Variants in NINL observed in about 807,000 individuals in gnomAD.
NINL encodes the protein ninein-like protein.
In NINL, 153 loss-of-function variants were observed where a neutral mutation model predicts 160.3. That is an observed-to-expected ratio of 0.95 (90% CI 0.84 to 1.09). The LOEUF is 1.09. Ranked by LOEUF, NINL falls within the 50% of genes least tolerant of loss-of-function variation. The probability of loss-of-function intolerance (pLI) is 0.00; values close to 1 mark genes in which losing one functional copy is unlikely to be tolerated. For missense variants in NINL, 1,829 were observed against 1,764.0 expected, an observed-to-expected ratio of 1.04 and a Z score of -0.66; for synonymous variants, 800 against 734.8, an observed-to-expected ratio of 1.09 and a Z score of -1.43.
chr20:25,455,113 G>A (rs189374809), intron 23 of NINL, among the ~76,000 whole-genome samples: 3 of 152,226 alleles, frequency 2.0e-5, no homozygotes, highest in African/African-American at 7.2e-5. Flanking sequence ...ACGAGGAGAT[G>A]TGTGCATCTC....
At chr20:25,556,768 C>G (rs2064871951) in intron 1 of NINL, among the ~76,000 whole-genome samples, 1 of 152,130 alleles carries the variant, frequency 6.6e-6, no homozygotes, top group South Asian at 2.1e-4. Context: ...GATCGCACTT[C>G]AGCCTGGGTG....
chr20:25,538,143 C>T (rs138130401), intron 1 of NINL, among the ~76,000 whole-genome samples: 13 of 152,270 alleles, frequency 8.5e-5, no homozygotes, highest in Admixed American at 2.6e-4. Context: ...CATGTGTCAC[C>T]GAGTGAAGGG....
intron 1 of NINL, among the ~76,000 whole-genome samples, chr20:25,560,890 GA>G (rs201038128): frequency 6.6e-6 from 1 of 151,592 alleles, no homozygotes; most frequent in East Asian, 1.9e-4. Flanking sequence ...ATTCTCAGAT[GA>G]AAAAAAACAA....
rs141642223 is a variant in NINL at position 25,523,416 on chromosome 20, T to A, written c.180+2992A>T. Among the ~76,000 whole-genome samples, 609 of 151,932 alleles carry A rather than the reference T, an allele frequency of 4.0e-3. 4 individuals carry two copies. Among genetic ancestry groups the A allele is most frequent in the African/African-American group, 0.014 (575 of 41,472 alleles). Reference sequence around the variant, plus strand: ...ACAGGTGCATGCCACCACATCCAGCTACCTTTAAGATTCTTCTGTAGAGAC... The same window carrying A: ...ACAGGTGCATGCCACCACATCCAGCAACCTTTAAGATTCTTCTGTAGAGAC... On this transcript the variant is annotated intron_variant, in intron 2 of 23. Coordinates refer to ENST00000278886, the MANE Select transcript of NINL (RefSeq NM_025176.6).
At position 25,510,736 on chromosome 20, in the gene NINL, G is replaced by C. The variant is rs570501450; in HGVS notation, c.455C>G (p.Pro152Arg). The change falls in exon 5 of 24, where the codon CCC becomes CGC. Residue 152 changes from proline to arginine, a missense_variant. Physicochemically the swap from Pro to Arg is moderately radical, Grantham distance 103. Coordinates refer to ENST00000278886, the MANE Select transcript of NINL (RefSeq NM_025176.6). ...GCTCTCGGCCTCTTCATCTGACTTG[G>C]GACTCTGTAGAAAGATGCAGAGAGA... Reference protein sequence around the residue: ...RSASLESVESPKSDEEAESTK... With the variant: ...RSASLESVESRKSDEEAESTK... 8.0e-5 allele frequency: 129 copies of C among 1,612,918 alleles called. No individual in the cohort carries two copies. Among genetic ancestry groups the C allele is most frequent in the Non-Finnish European group, 1.0e-4 (121 of 1,179,410 alleles).
chr20:25,536,555 C>T (rs1400760508), intron 1 of NINL, among the ~76,000 whole-genome samples: 2 of 152,188 alleles, frequency 1.3e-5, no homozygotes, highest in African/African-American at 2.4e-5. Flanking sequence ...TACAAAAATA[C>T]AAAAAATACA....
rs368061950 is a variant in NINL, at chr20:25,483,429, T to C, written c.1678-1329A>G. ...TGTTGGAACTGCAGTGGTGCTGCAA[T>C]GTGCATGTCAGGCAGTGCCCTGGGT... On this transcript the variant is annotated intron_variant, in intron 13 of 23. Transcript: ENST00000278886. Among the ~76,000 whole-genome samples, 34 of 152,334 alleles carry C rather than the reference T, an allele frequency of 2.2e-4. No homozygotes were observed. The South Asian group carries it at 5.4e-3, about 24-fold the overall frequency.
At chr20:25,482,596 C>A (rs1228002149) in intron 13 of NINL, among the ~76,000 whole-genome samples, 1 of 151,844 alleles carries the variant, frequency 6.6e-6, no homozygotes, top group African/African-American at 2.4e-5. Context: ...AGTGATATAC[C>A]CATCTCAGCC....
At chr20:25,501,282 G>A (rs2063862621) in intron 7 of NINL, among the ~76,000 whole-genome samples, 2 of 152,210 alleles carry the variant, frequency 1.3e-5, no homozygotes, top group South Asian at 2.1e-4. Flanking sequence ...TGGCCCAACC[G>A]GCCAGCCCCA....
Position 25,567,869 on chromosome 20 carries a change from T to C in NINL, c.-12+17586A>G, listed in dbSNP as rs1339137048. On this transcript the variant is annotated intron_variant, in intron 1 of 23. Coordinates refer to ENST00000278886, the MANE Select transcript of NINL (RefSeq NM_025176.6). ...CAAAGAGGACATTGCAAGAAAAAAATTAAATATATTAAACTGAATGAAATG... is the reference window on the plus strand; with the variant it reads ...CAAAGAGGACATTGCAAGAAAAAAACTAAATATATTAAACTGAATGAAATG... 2.0e-5 allele frequency among the ~76,000 whole-genome samples: 3 copies of C among 151,698 alleles called. No individual in the cohort carries two copies. The East Asian group carries it at 5.8e-4, about 29-fold the overall frequency.
chr20:25,571,770 G>A (rs1283506115), intron 1 of NINL, among the ~76,000 whole-genome samples: 1 of 150,740 alleles, frequency 6.6e-6, no homozygotes, highest in Non-Finnish European at 1.5e-5. Flanking sequence ...AGGAGGCTGA[G>A]GCAGGAGAAT....
chr20:25,521,210 A>C (rs994011930), intron 2 of NINL, among the ~76,000 whole-genome samples: 1 of 152,174 alleles, frequency 6.6e-6, no homozygotes, highest in Admixed American at 6.5e-5. Flanking sequence ...AGCTGTGTCT[A>C]ATCTGCTGTT....
At chr20:25,486,741 C>T (rs538763867) in intron 13 of NINL, among the ~76,000 whole-genome samples, 10 of 152,134 alleles carry the variant, frequency 6.6e-5, no homozygotes, top group South Asian at 6.2e-4. Context: ...GGGCTCACCT[C>T]GATCCTCTGG....
chr20:25,481,858 G>C (rs1252580680), intron 14 of NINL, 110 bp downstream of exon 14: 2 of 1,462,650 alleles, frequency 1.4e-6, no homozygotes, highest in Non-Finnish European at 1.8e-6. Flanking sequence ...CCTCCCTTCA[G>C]GTCACAGCAA....
At chr20:25,525,744 A>G (rs187103962) in intron 2 of NINL, among the ~76,000 whole-genome samples, 1 of 152,358 alleles carries the variant, frequency 6.6e-6, no homozygotes, top group East Asian at 1.9e-4. Flanking sequence ...CACTGCTGTT[A>G]GCAGTAACAT....
intron 1 of NINL, among the ~76,000 whole-genome samples, chr20:25,534,874 A>G (rs2064530103): frequency 6.6e-6 from 1 of 152,218 alleles, no homozygotes; most frequent in Non-Finnish European, 1.5e-5. Flanking sequence ...AATACCTAAG[A>G]CAAGGTAAAT....
chr20:25,486,313 CT>C (rs1335311204), intron 13 of NINL, among the ~76,000 whole-genome samples: 2 of 152,138 alleles, frequency 1.3e-5, no homozygotes, highest in Non-Finnish European at 2.9e-5. Context: ...TAAAATATCT[CT>C]GCTGTTTCAA....
intron 12 of NINL, among the ~76,000 whole-genome samples, 186 bp downstream of exon 12, chr20:25,489,689 G>A (rs984402462): frequency 2.0e-5 from 3 of 152,054 alleles, no homozygotes; most frequent in Admixed American, 6.5e-5. Context: ...GTGGGCAGAC[G>A]GCCCCCCACA....
chr20:25,537,523 T>C (rs2064580244), intron 1 of NINL, among the ~76,000 whole-genome samples: 1 of 152,190 alleles, frequency 6.6e-6, no homozygotes. Context: ...GTGAAGTTCA[T>C]TATGGAGCTA....
Sources: allele counts gnomAD v4.1 joint callset (sites outside exome capture counted in the v4.1 genomes callset), GRCh38; gene constraint gnomAD v4.1.1; transcripts MANE v1.5; gene names NCBI Gene and HGNC (gene_info 2026-07-23, HGNC 2026-07-21).